The following LRMDA variants were observed in gnomAD, a reference collection of about 807,000 sequenced individuals.
LRMDA encodes the protein leucine rich melanocyte differentiation associated, also known as leucine-rich melanocyte differentiation-associated protein.
In LRMDA, 18 loss-of-function variants were observed where a neutral mutation model predicts 29.8. The observed-to-expected ratio is 0.60, with a 90% CI of 0.42 to 0.90. The LOEUF (loss-of-function observed/expected upper bound fraction) is 0.90, where lower values mean the gene tolerates loss of function less well. Ranked by LOEUF, LRMDA falls within the 40% of genes least tolerant of loss-of-function variation. The probability of loss-of-function intolerance (pLI) is 0.00; values close to 1 mark genes in which losing one functional copy is unlikely to be tolerated. For synonymous variants in LRMDA, 125 were observed against 109.4 expected (o/e 1.14, Z -0.89); for missense variants, 273 against 273.9 (o/e 1.00, Z 0.02).
intron 2 of LRMDA, among the ~76,000 whole-genome samples, chr10:75,489,994 G>C (rs1465163952): frequency 6.6e-6 from 1 of 152,146 alleles, no homozygotes; most frequent in Non-Finnish European, 1.5e-5. Flanking sequence ...AGGCAGTAGT[G>C]GTGGTGGTAA....
At chr10:75,536,444 C>G (rs1300477461) in intron 2 of LRMDA, among the ~76,000 whole-genome samples, 1 of 152,202 alleles carries the variant, frequency 6.6e-6, no homozygotes, top group Non-Finnish European at 1.5e-5. Flanking sequence ...GTGGTTCATA[C>G]ACAGCTCACA....
intron 3 of LRMDA, among the ~76,000 whole-genome samples, chr10:76,041,483 G>T (rs1384414589): frequency 6.6e-6 from 1 of 152,160 alleles, no homozygotes; most frequent in Non-Finnish European, 1.5e-5. Context: ...TAAAAATGAG[G>T]TATGTCATTA....
intron 2 of LRMDA, among the ~76,000 whole-genome samples, chr10:75,527,737 TATA>T (rs945620327): frequency 2.7e-5 from 4 of 145,512 alleles, no homozygotes; most frequent in Non-Finnish European, 6.0e-5. Flanking sequence ...ATATAATAAT[TATA>T]ATATAAATAA....
At chr10:76,124,449 A>C (rs1589337996) in intron 5 of LRMDA, among the ~76,000 whole-genome samples, 1 of 152,216 alleles carries the variant, frequency 6.6e-6, no homozygotes, top group African/African-American at 2.4e-5. Flanking sequence ...ACTGCTGTTT[A>C]AATGTCACCA....
intron 6 of LRMDA, among the ~76,000 whole-genome samples, chr10:76,383,611 T>C (rs1029173391): frequency 3.9e-4 from 59 of 149,686 alleles, no homozygotes; most frequent in African/African-American, 1.5e-3. Flanking sequence ...TTTGTATTTT[T>C]AGTAGAGACG....
At chr10:75,787,148 G>A (rs1023066066) in intron 2 of LRMDA, among the ~76,000 whole-genome samples, 7 of 152,148 alleles carry the variant, frequency 4.6e-5, no homozygotes, top group African/African-American at 1.7e-4. Flanking sequence ...TGGCTCTTCC[G>A]CATGCTTGGT....
intron 2 of LRMDA, among the ~76,000 whole-genome samples, chr10:75,598,954 G>A (rs1469221489): frequency 6.6e-6 from 1 of 152,070 alleles, no homozygotes; most frequent in Non-Finnish European, 1.5e-5. Flanking sequence ...TATGATTTCC[G>A]CTGATTTTGT....
chr10:76,016,291 G>A (rs963268736), intron 2 of LRMDA, among the ~76,000 whole-genome samples: 1 of 151,366 alleles, frequency 6.6e-6, no homozygotes, highest in Non-Finnish European at 1.5e-5. Flanking sequence ...GGGTAAAATA[G>A]TCTAAAAAAG....
At chr10:76,346,024 A>G (rs1444170147) in intron 6 of LRMDA, among the ~76,000 whole-genome samples, 1 of 152,212 alleles carries the variant, frequency 6.6e-6, no homozygotes, top group Admixed American at 6.5e-5. Context: ...AAAGATTTGT[A>G]TGGTGTTGGC....
intron 2 of LRMDA, among the ~76,000 whole-genome samples, chr10:75,488,381 T>C (rs796829243): frequency 1.3e-5 from 2 of 152,312 alleles, no homozygotes; most frequent in African/African-American, 4.8e-5. Flanking sequence ...GCTCAGAGTG[T>C]GCTTGGCTCC....
intron 2 of LRMDA, among the ~76,000 whole-genome samples, chr10:75,619,058 A>G (rs995920119): frequency 7.9e-5 from 12 of 152,034 alleles, no homozygotes; most frequent in African/African-American, 2.9e-4. Flanking sequence ...CGGCCTCCCA[A>G]AGTGCTGGGA....
chr10:76,458,964 T>C (rs1842485515), intron 6 of LRMDA, among the ~76,000 whole-genome samples: 1 of 152,094 alleles, frequency 6.6e-6, no homozygotes, highest in South Asian at 2.1e-4. Flanking sequence ...CAAGACAAAA[T>C]AGCACTAAGA....
chr10:76,182,461 T>C (rs746272733), intron 5 of LRMDA, among the ~76,000 whole-genome samples: 1 of 152,184 alleles, frequency 6.6e-6, no homozygotes, highest in African/African-American at 2.4e-5. Context: ...CACTTTGCAA[T>C]GTACTTGGCA....
intron 6 of LRMDA, among the ~76,000 whole-genome samples, chr10:76,513,431 G>A (rs879357246): frequency 5.9e-5 from 9 of 151,840 alleles, no homozygotes; most frequent in African/African-American, 9.7e-5. Flanking sequence ...TAAATTTGAC[G>A]GTTGCTGGAT....
intron 2 of LRMDA, among the ~76,000 whole-genome samples, chr10:75,983,951 G>A (rs1012334078): frequency 2.6e-5 from 4 of 152,232 alleles, no homozygotes; most frequent in Non-Finnish European, 2.9e-5. Context: ...TACCACGCCC[G>A]GCCCCCAGTG....
At chr10:75,960,988 G>A (rs1474559299) in intron 2 of LRMDA, among the ~76,000 whole-genome samples, 1 of 152,160 alleles carries the variant, frequency 6.6e-6, no homozygotes, top group Non-Finnish European at 1.5e-5. Flanking sequence ...CCTAGGGACA[G>A]ATTTGTCAAA....
intron 6 of LRMDA, among the ~76,000 whole-genome samples, chr10:76,363,174 A>AAAGAAAGAAAGG (rs1554815855): frequency 1.1e-4 from 2 of 18,340 alleles, no homozygotes; most frequent in Non-Finnish European, 1.3e-4. Context: ...AGAAAGAAAG[A>AAAGAAAGAAAGG]AAGGAGGGAG....
intron 2 of LRMDA, among the ~76,000 whole-genome samples, chr10:75,582,050 G>A (rs918861753): frequency 6.6e-6 from 1 of 152,224 alleles, no homozygotes; most frequent in Admixed American, 6.5e-5. Flanking sequence ...CTGTGACTTT[G>A]TAGGGTTCAG....
chr10:76,432,423 G>T (rs1842200602), intron 6 of LRMDA, among the ~76,000 whole-genome samples: 1 of 152,146 alleles, frequency 6.6e-6, no homozygotes. Flanking sequence ...GCAACATTTG[G>T]CCTAGAAGGG....
Sources: gnomAD v4.1 joint callset for allele counts (sites outside exome capture counted in the v4.1 genomes callset) on GRCh38, gnomAD v4.1.1 for gene constraint, MANE v1.5 for transcripts, NCBI Gene and HGNC (gene_info 2026-07-23, HGNC 2026-07-21) for gene names.